Variants in PRKN observed in about 807,000 individuals in gnomAD.
PRKN encodes the protein E3 ubiquitin-protein ligase parkin.
Under a neutral mutation model 59.5 loss-of-function variants are expected in PRKN, and 56 were observed. The observed-to-expected ratio is 0.94, with a 90% CI of 0.76 to 1.18. The LOEUF (loss-of-function observed/expected upper bound fraction) is 1.18. PRKN is among the 50% of genes most tolerant of loss of function. PRKN has a pLI of 0.00. For synonymous variants in PRKN, 250 were observed against 222.1 expected (o/e 1.13, Z -1.12); for missense variants, 657 against 596.4 (o/e 1.10, Z -1.06).
intron 6 of PRKN, among the ~76,000 whole-genome samples, chr6:161,956,179 C>G (rs377660082): frequency 2.6e-5 from 4 of 152,252 alleles, no homozygotes; most frequent in African/African-American, 9.6e-5. Flanking sequence ...GGAACTTGCC[C>G]AGGAAACAAG....
rs1779848582 is a variant in PRKN, at chr6:161,547,805, A to C, written c.1083+1049T>G. ...AACACTTGAGTTTTCATTCTAATGC[A>C]ATCACGATTATGAATCCAGAGGTAT... On this transcript the variant is annotated intron_variant, in intron 9 of 11. Transcript: ENST00000366898. The surrounding 1 kb of genome is among the most constrained non-coding windows in gnomAD (Gnocchi z 4.0). Among the ~76,000 whole-genome samples, 1 of 152,186 alleles carries C rather than the reference A, an allele frequency of 6.6e-6. No homozygotes were observed. The highest frequency in any genetic ancestry group is 1.5e-5 in the Non-Finnish European group (1 of 68,020).
chr6:162,364,035 T>A (rs370123333), intron 2 of PRKN, among the ~76,000 whole-genome samples: 6 of 152,346 alleles, frequency 3.9e-5, no homozygotes, highest in Admixed American at 3.3e-4. Context: ...GCTGCACTGC[T>A]GAGCACTGTG....
intron 9 of PRKN, among the ~76,000 whole-genome samples, chr6:161,500,985 C>T (rs1777942913): frequency 6.7e-6 from 1 of 149,858 alleles, no homozygotes; most frequent in Non-Finnish European, 1.5e-5. Flanking sequence ...AAGCGATTCT[C>T]CTGCCTCAGA....
At chr6:161,767,279 T>C (rs9347539) in intron 7 of PRKN, among the ~76,000 whole-genome samples, 84,862 of 151,692 alleles carry the variant, frequency 0.56, 24,031 homozygotes, top group Non-Finnish European at 0.61. Context: ...TTTGGGAGGC[T>C]GAGGCGGGCG....
intron 5 of PRKN, among the ~76,000 whole-genome samples, chr6:161,987,515 G>A (rs566225102): frequency 1.3e-5 from 2 of 152,282 alleles, no homozygotes; most frequent in East Asian, 3.9e-4. Flanking sequence ...TATAACCTAA[G>A]CACATCCTCC....
rs1790295582 is a variant in PRKN, at chr6:161,463,123, C to T, written c.1084-76246G>A. On this transcript the variant is annotated intron_variant, in intron 9 of 11. Coordinates refer to ENST00000366898, the MANE Select transcript of PRKN (RefSeq NM_004562.3). The surrounding 1 kb of genome is among the most constrained non-coding windows in gnomAD (Gnocchi z 4.8). Reference sequence around the variant, plus strand: ...AGGGGTTCCAAGGTCAGTGTGAGCCCTTCTGGCTGGAGTGGTCAGTGATAT... The same window carrying T: ...AGGGGTTCCAAGGTCAGTGTGAGCCTTTCTGGCTGGAGTGGTCAGTGATAT... Among the ~76,000 whole-genome samples, 1 of 152,158 alleles carries T rather than the reference C, an allele frequency of 6.6e-6. No individual in the cohort carries two copies. Among genetic ancestry groups the T allele is most frequent in the African/African-American group, 2.4e-5 (1 of 41,438 alleles).
At chr6:162,465,796 T>C (rs1036521536) in intron 1 of PRKN, among the ~76,000 whole-genome samples, 4 of 152,184 alleles carry the variant, frequency 2.6e-5, no homozygotes, top group Non-Finnish European at 5.9e-5. Flanking sequence ...CTTTGATAGG[T>C]TTCAGTTGCC....
chr6:161,863,543 TG>T (rs1308300158), intron 6 of PRKN, among the ~76,000 whole-genome samples: 3 of 152,110 alleles, frequency 2.0e-5, no homozygotes, highest in Non-Finnish European at 4.4e-5. Flanking sequence ...TTTGCTCATG[TG>T]GTTTTTCAAA....
At chr6:161,959,007 A>T (rs1780283051) in intron 6 of PRKN, among the ~76,000 whole-genome samples, 1 of 152,192 alleles carries the variant, frequency 6.6e-6, no homozygotes, top group Non-Finnish European at 1.5e-5. Context: ...AAGTGGTATC[A>T]GTTCCCTTTG....
intron 9 of PRKN, among the ~76,000 whole-genome samples, chr6:161,490,113 C>A (rs1293600201): frequency 6.6e-6 from 1 of 152,164 alleles, no homozygotes; most frequent in Non-Finnish European, 1.5e-5. Context: ...ATGACGTAAG[C>A]ATTTTCCTCC....
chr6:162,302,150 A>G (rs1781989123), intron 2 of PRKN, among the ~76,000 whole-genome samples: 1 of 152,040 alleles, frequency 6.6e-6, no homozygotes, highest in African/African-American at 2.4e-5. Context: ...GCATTTAGTC[A>G]TTTTATCCTC....
intron 4 of PRKN, among the ~76,000 whole-genome samples, chr6:162,117,051 T>C (rs1383273495): frequency 6.6e-6 from 1 of 152,094 alleles, no homozygotes; most frequent in Non-Finnish European, 1.5e-5. Flanking sequence ...GGATGGTTTC[T>C]GAGTAACACA....
intron 7 of PRKN, among the ~76,000 whole-genome samples, chr6:161,688,466 CTT>C (rs1785650429): frequency 6.6e-6 from 1 of 152,218 alleles, no homozygotes; most frequent in Non-Finnish European, 1.5e-5. Flanking sequence ...CTTATCAAGA[CTT>C]TTACATAAAA....
chr6:161,422,576 C>T (rs1788152750), intron 9 of PRKN, among the ~76,000 whole-genome samples: 1 of 152,114 alleles, frequency 6.6e-6, no homozygotes, highest in Non-Finnish European at 1.5e-5. Flanking sequence ...CCTATATTCT[C>T]ATAGATGCTC....
intron 7 of PRKN, among the ~76,000 whole-genome samples, chr6:161,668,291 A>G (rs940978261): frequency 1.5e-4 from 22 of 151,690 alleles, no homozygotes; most frequent in African/African-American, 5.3e-4. Flanking sequence ...GCTTCAGTAC[A>G]ATTGGCATCT....
chr6:161,855,466 C>T (rs929150026), intron 6 of PRKN, among the ~76,000 whole-genome samples: 24 of 152,302 alleles, frequency 1.6e-4, no homozygotes, highest in Non-Finnish European at 1.3e-4. Context: ...GATTCATTTA[C>T]TTATTGCACA....
At chr6:162,335,185 TTTC>T (rs1289372039) in intron 2 of PRKN, among the ~76,000 whole-genome samples, 1 of 148,358 alleles carries the variant, frequency 6.7e-6, no homozygotes. Context: ...GGCTACTTTT[TTTC>T]TTTTTCTTTT....
At chr6:162,425,489 T>C (rs1374529909) in intron 2 of PRKN, among the ~76,000 whole-genome samples, 1 of 152,178 alleles carries the variant, frequency 6.6e-6, no homozygotes, top group Non-Finnish European at 1.5e-5. Context: ...AAAGACTTAA[T>C]GGAAGAACAT....
rs570704877 is a variant in PRKN at position 162,638,864 on chromosome 6, C to T, written c.7+88798G>A. Among the ~76,000 whole-genome samples, 9 of 151,762 alleles carry T rather than the reference C, an allele frequency of 5.9e-5. No individual in the cohort carries two copies. The South Asian group carries it at 1.7e-3, about 28-fold the overall frequency. ...GGTTCAAGCGATTCTCCTGCCTCGG[C>T]CTCCCAAATAGTTGGGATTACAGGC... On this transcript the variant is annotated intron_variant, in intron 1 of 11. Coordinates refer to ENST00000366898, the MANE Select transcript of PRKN (RefSeq NM_004562.3).
Sources: allele counts gnomAD v4.1 joint callset (sites outside exome capture counted in the v4.1 genomes callset), GRCh38; gene constraint gnomAD v4.1.1; non-coding constraint Gnocchi (gnomAD v3.1); transcripts MANE v1.5; gene names NCBI Gene and HGNC (gene_info 2026-07-23, HGNC 2026-07-21).